The following TENM3 variants were observed in gnomAD, a reference collection of about 807,000 sequenced individuals.
TENM3 encodes teneurin-3.
In TENM3, 63 loss-of-function variants were observed where a neutral mutation model predicts 255.1. The observed-to-expected ratio is 0.25, with a 90% CI of 0.20 to 0.30. The LOEUF (loss-of-function observed/expected upper bound fraction) is 0.30, where lower values mean the gene tolerates loss of function less well. Among genes scored for constraint, TENM3 ranks in the 10% least tolerant of loss-of-function variants. TENM3 has a pLI of 1.00. For synonymous variants in TENM3, 1,306 were observed against 1,322.3 expected, an observed-to-expected ratio of 0.99 and a Z score of 0.27; for missense variants, 2,929 against 3,461.1, an observed-to-expected ratio of 0.85 and a Z score of 3.86.
chr4:182,487,318 A>G (rs1580717846), intron 3 of TENM3, among the ~76,000 whole-genome samples: 1 of 152,174 alleles, frequency 6.6e-6, no homozygotes, highest in Non-Finnish European at 1.5e-5. Context: ...TATTTTGTGT[A>G]CTTGTCTCTT....
intron 3 of TENM3, among the ~76,000 whole-genome samples, chr4:182,562,785 C>T (rs1743335979): frequency 6.6e-6 from 1 of 152,084 alleles, no homozygotes; most frequent in Admixed American, 6.6e-5. Flanking sequence ...AACTTCTCAA[C>T]ACAACAACAC....
At chr4:181,623,417 A>T in the TENM3 span, among the ~76,000 whole-genome samples, 21 of 152,234 alleles carry the variant, frequency 1.4e-4, no homozygotes. Context: ...GGTCTATCAC[A>T]GGAGGAGGTG....
chr4:182,030,052 T>TTTGTTGTTGTTGTTGTTG, the TENM3 span, among the ~76,000 whole-genome samples: 131 of 134,790 alleles, frequency 9.7e-4, no homozygotes, highest in Non-Finnish European at 1.3e-3. Context: ...TCAATGCATC[T>TTTGTTGTTGTTGTTGTTG]TTGTTGTTGT....
At chr4:181,570,110 A>G in the TENM3 span, among the ~76,000 whole-genome samples, 7 of 149,210 alleles carry the variant, frequency 4.7e-5, no homozygotes, top group Non-Finnish European at 1.0e-4. Flanking sequence ...CAGTGGCACA[A>G]TCTCGGCTCA....
intron 3 of TENM3, among the ~76,000 whole-genome samples, chr4:182,413,615 CA>C (rs57318207): frequency 0.3 from 43,891 of 144,370 alleles, 6,776 homozygotes; most frequent in Middle Eastern, 0.39. Flanking sequence ...GACTCTGTCT[CA>C]AAAAAAAAAA....
At chr4:181,497,355 A>G in the TENM3 span, among the ~76,000 whole-genome samples, 1 of 152,132 alleles carries the variant, frequency 6.6e-6, no homozygotes. Flanking sequence ...CTACTACCCT[A>G]TAGAAGATGC....
At chr4:181,635,168 C>A in the TENM3 span, among the ~76,000 whole-genome samples, 1 of 152,076 alleles carries the variant, frequency 6.6e-6, no homozygotes, top group Non-Finnish European at 1.5e-5. Context: ...GGGAGGCATG[C>A]GGGCATAGCA....
At chr4:181,565,559 C>T in the TENM3 span, among the ~76,000 whole-genome samples, 22 of 152,170 alleles carry the variant, frequency 1.4e-4, no homozygotes, top group South Asian at 3.9e-3. Context: ...GGGATGCGGA[C>T]GAGGGCACGC....
upstream of TENM3, among the ~76,000 whole-genome samples, chr4:182,140,990 T>TCCCCCCC (rs994991428): frequency 3.7e-4 from 21 of 56,280 alleles, no homozygotes; most frequent in South Asian, 1.4e-3. Context: ...ATTATATCCC[T>TCCCCCCC]CCCCCCCGCC....
At chr4:181,886,649 A>G in the TENM3 span, among the ~76,000 whole-genome samples, 4 of 152,138 alleles carry the variant, frequency 2.6e-5, no homozygotes, top group African/African-American at 9.7e-5. Flanking sequence ...TCAGCTGTAC[A>G]TTACCATCAT....
the TENM3 span, among the ~76,000 whole-genome samples, chr4:181,744,289 A>G: frequency 1.3e-5 from 2 of 152,142 alleles, no homozygotes; most frequent in East Asian, 3.9e-4. Flanking sequence ...GAACATACCC[A>G]CACATGTATC....
chr4:182,632,851 TCTCA>T (rs1221573986), intron 5 of TENM3, among the ~76,000 whole-genome samples: 3 of 152,100 alleles, frequency 2.0e-5, no homozygotes, highest in East Asian at 1.9e-4. Flanking sequence ...GGAGACAGGT[TCTCA>T]CTCTGTTTTT....
At chr4:182,462,561 T>C (rs1035851277) in intron 3 of TENM3, among the ~76,000 whole-genome samples, 8 of 151,868 alleles carry the variant, frequency 5.3e-5, no homozygotes, top group Admixed American at 2.0e-4. Flanking sequence ...CAAGTCTGTC[T>C]TTTAGTTCAA....
At chr4:181,909,510 CA>C in the TENM3 span, among the ~76,000 whole-genome samples, 2 of 152,172 alleles carry the variant, frequency 1.3e-5, no homozygotes, top group African/African-American at 4.8e-5. Context: ...CCCAACAACT[CA>C]GGGGGCAGAC....
At chr4:182,277,022 T>C (rs1183575609) in intron 1 of TENM3, among the ~76,000 whole-genome samples, 1 of 152,244 alleles carries the variant, frequency 6.6e-6, no homozygotes, top group Non-Finnish European at 1.5e-5. Context: ...AAAGGCCTCT[T>C]TGGCAATGGC....
At chr4:181,686,101 T>C in the TENM3 span, among the ~76,000 whole-genome samples, 1 of 152,170 alleles carries the variant, frequency 6.6e-6, no homozygotes, top group African/African-American at 2.4e-5. Context: ...AAACTAGTTT[T>C]ACTCATCTTT....
the TENM3 span, among the ~76,000 whole-genome samples, chr4:181,665,525 G>A: frequency 1.3e-5 from 2 of 151,918 alleles, no homozygotes; most frequent in African/African-American, 4.8e-5. Context: ...ATCATCGCGT[G>A]CGTGTGTGTA....
the TENM3 span, among the ~76,000 whole-genome samples, chr4:181,751,460 C>A: frequency 1.3e-5 from 2 of 150,212 alleles, no homozygotes; most frequent in Non-Finnish European, 3.0e-5. Flanking sequence ...TCCCAGTCTG[C>A]AATCCAAGAC....
At chr4:181,823,062 C>T in the TENM3 span, among the ~76,000 whole-genome samples, 1 of 152,158 alleles carries the variant, frequency 6.6e-6, no homozygotes, top group Non-Finnish European at 1.5e-5. Context: ...AAGCGATTAG[C>T]ATTTTGTTTC....
Sources: allele counts gnomAD v4.1 joint callset (sites outside exome capture counted in the v4.1 genomes callset), GRCh38; gene constraint gnomAD v4.1.1; transcripts MANE v1.5; gene names NCBI Gene and HGNC (gene_info 2026-07-23, HGNC 2026-07-21).